CTDSPL: variants seen among roughly 807,000 people sequenced by gnomAD.
CTDSPL encodes the protein CTD small phosphatase-like protein.
CTDSPL carries 8 observed loss-of-function variants against 30.5 expected under a neutral mutation model. That is an observed-to-expected ratio of 0.26 (90% confidence interval 0.15 to 0.47). CTDSPL has a LOEUF of 0.47. CTDSPL is among the 20% of genes least tolerant of loss of function. The pLI is 0.99. For missense variants in CTDSPL, 248 were observed against 366.1 expected, an observed-to-expected ratio of 0.68 and a Z score of 2.63; for synonymous variants, 110 against 137.9, an observed-to-expected ratio of 0.80 and a Z score of 1.42.
rs201081551 is a variant in CTDSPL at position 37,947,181 on chromosome 3, A to G, written c.204A>G (p.Pro68=). 5 of 1,612,488 alleles carry G rather than the reference A, an allele frequency of 3.1e-6. No individual in the cohort carries two copies. The East Asian group carries it at 6.7e-5, about 22-fold the overall frequency. Residue 68 remains proline, a synonymous_variant, in exon 2 of 8, where the codon CCA becomes CCG. Coordinates refer to ENST00000273179, the MANE Select transcript of CTDSPL (RefSeq NM_001008392.2). ...CCAGCAGCCCCAGTGTGCTTCCGCC[A>G]CTGGTGGAGGAGAATGGTGGGCTTC... ...PPPSSPSVLP[P]LVEENGGLQK...
At chr3:37,891,720 T>C (rs557227626) in intron 1 of CTDSPL, among the ~76,000 whole-genome samples, 1 of 152,356 alleles carries the variant, frequency 6.6e-6, no homozygotes, top group South Asian at 2.1e-4. Context: ...CAGTACATGC[T>C]TGTAACAGGT....
chr3:37,906,262 G>C (rs1035092568), intron 1 of CTDSPL, among the ~76,000 whole-genome samples: 1 of 152,124 alleles, frequency 6.6e-6, no homozygotes, highest in Non-Finnish European at 1.5e-5. Flanking sequence ...ATCACCAAAG[G>C]TCTGGGCTCC....
intron 1 of CTDSPL, among the ~76,000 whole-genome samples, chr3:37,909,108 A>G (rs1327447011): frequency 1.3e-5 from 2 of 152,336 alleles, no homozygotes; most frequent in East Asian, 3.9e-4. Context: ...GCTAAATAAA[A>G]ATGAAGATAC....
At chr3:37,879,262 T>C (rs1575278595) in intron 1 of CTDSPL, among the ~76,000 whole-genome samples, 2 of 152,314 alleles carry the variant, frequency 1.3e-5, no homozygotes, top group South Asian at 4.1e-4. Context: ...TAGAAAATAA[T>C]GTAGAGATGG....
intron 1 of CTDSPL, among the ~76,000 whole-genome samples, chr3:37,931,145 CT>C (rs35669035): frequency 0.18 from 25,217 of 139,100 alleles, 2,275 homozygotes; most frequent in Middle Eastern, 0.25. Context: ...TCCTCTTTGT[CT>C]TTTTTTTTTT....
At chr3:37,870,680 A>C (rs1698062015) in intron 1 of CTDSPL, among the ~76,000 whole-genome samples, 1 of 152,126 alleles carries the variant, frequency 6.6e-6, no homozygotes, top group Non-Finnish European at 1.5e-5. Flanking sequence ...TCCCTTTCCT[A>C]ATTTATGCAT....
chr3:37,957,448 G>A (rs942111992), intron 3 of CTDSPL, among the ~76,000 whole-genome samples: 1 of 152,076 alleles, frequency 6.6e-6, no homozygotes, highest in African/African-American at 2.4e-5. Context: ...TTGCTCAGAG[G>A]CCTCACCCAC....
chr3:37,869,213 G>A (rs963018722), intron 1 of CTDSPL, among the ~76,000 whole-genome samples: 2 of 151,994 alleles, frequency 1.3e-5, no homozygotes, highest in African/African-American at 4.8e-5. Context: ...TAAACACATT[G>A]CGTAGTGATC....
chr3:37,945,327 C>T (rs1306735747), intron 1 of CTDSPL, among the ~76,000 whole-genome samples: 1 of 143,088 alleles, frequency 7.0e-6, no homozygotes, highest in Non-Finnish European at 1.6e-5. Flanking sequence ...CAGCATGGCA[C>T]ATGGGGAAAT....
chr3:37,956,931 A>G (rs984622114), intron 2 of CTDSPL, among the ~76,000 whole-genome samples, 180 bp from the exon 3 acceptor site: 5 of 152,170 alleles, frequency 3.3e-5, no homozygotes, highest in African/African-American at 1.2e-4. Context: ...TGAGAGACAG[A>G]AGGAGCCTCA....
chr3:37,972,562 A>C (rs1699379420), intron 6 of CTDSPL, among the ~76,000 whole-genome samples: 1 of 151,364 alleles, frequency 6.6e-6, no homozygotes, highest in Non-Finnish European at 1.5e-5. Flanking sequence ...GCTTGATATG[A>C]ATCTGACCTA....
chr3:37,979,758 TCA>T lies in CTDSPL; in HGVS notation c.706-969_706-968del, dbSNP rs139766577. On this transcript the variant is annotated intron_variant, in intron 7 of 7. Transcript: ENST00000273179. ...CTGGGTGACAGAGTGTGACGCTGTG[TCA>T]CACACACACACACAAATCACTTGAA... is the stretch of plus-strand genomic sequence containing the variant. Among the ~76,000 whole-genome samples the T allele has an allele frequency of 2.2e-4, 34 of 151,758 alleles. 2 individuals are homozygous for T. In the South Asian group the frequency reaches 3.5e-3, roughly 16 times the overall value.
At chr3:37,949,589 C>T (rs1214624839) in intron 2 of CTDSPL, among the ~76,000 whole-genome samples, 1 of 152,112 alleles carries the variant, frequency 6.6e-6, no homozygotes, top group Non-Finnish European at 1.5e-5. Flanking sequence ...GGATGGATGC[C>T]GAAATATGAA....
In CTDSPL at chr3:37,975,427, G is replaced by C. The variant is rs976498386; in HGVS notation, c.520-282G>C. Among the ~76,000 whole-genome samples, 5 of 152,332 alleles carry C rather than the reference G, an allele frequency of 3.3e-5. No individual in the cohort carries two copies. Among genetic ancestry groups the C allele is most frequent in the African/African-American group, 7.2e-5 (3 of 41,578 alleles). ...GCTCACACAGCCATCCCAGGCCAGAGATTCGAGGCCCAGGCTAAGGGTGGT... is the reference window on the plus strand; with the variant it reads ...GCTCACACAGCCATCCCAGGCCAGACATTCGAGGCCCAGGCTAAGGGTGGT... On this transcript the variant is annotated intron_variant, in intron 6 of 7. Coordinates refer to ENST00000273179, the MANE Select transcript of CTDSPL (RefSeq NM_001008392.2). This position sits in a 1 kb window ranked among gnomAD's most constrained non-coding sequence, Gnocchi z 4.9.
intron 2 of CTDSPL, among the ~76,000 whole-genome samples, chr3:37,954,201 C>T (rs1312533557): frequency 6.6e-6 from 1 of 152,198 alleles, no homozygotes; most frequent in Non-Finnish European, 1.5e-5. Context: ...AAATAGAGGC[C>T]TTTAGAGGCA....
intron 3 of CTDSPL, among the ~76,000 whole-genome samples, chr3:37,958,696 C>A (rs1699202733): frequency 6.6e-6 from 1 of 152,140 alleles, no homozygotes; most frequent in African/African-American, 2.4e-5. Flanking sequence ...GTAATTGATC[C>A]TACTGATAGA....
intron 4 of CTDSPL, among the ~76,000 whole-genome samples, chr3:37,965,523 A>G (rs1186455403): frequency 6.6e-6 from 1 of 152,122 alleles, no homozygotes; most frequent in Non-Finnish European, 1.5e-5. Context: ...TCCTTGGATT[A>G]TTTCTGGTAA....
chr3:37,913,111 A>G (rs145790016), intron 1 of CTDSPL, among the ~76,000 whole-genome samples: 8 of 152,290 alleles, frequency 5.3e-5, no homozygotes, highest in Non-Finnish European at 7.4e-5. Context: ...GCTAGAGCCC[A>G]GGAGTTTGAG....
chr3:37,977,658 G>A (rs985660819), intron 7 of CTDSPL, among the ~76,000 whole-genome samples: 2 of 151,612 alleles, frequency 1.3e-5, no homozygotes, highest in Non-Finnish European at 2.9e-5. Flanking sequence ...GGAGGCCCAG[G>A]CAGGTGATCA....
Sources: gnomAD v4.1 joint callset for allele counts (sites outside exome capture counted in the v4.1 genomes callset) on GRCh38, gnomAD v4.1.1 for gene constraint, Gnocchi (gnomAD v3.1) non-coding constraint, MANE v1.5 for transcripts, NCBI Gene and HGNC (gene_info 2026-07-23, HGNC 2026-07-21) for gene names.